Variants in PLAA observed in about 807,000 individuals in gnomAD.
The protein encoded by PLAA is phospholipase A-2-activating protein.
In PLAA, 48 loss-of-function variants were observed where a neutral mutation model predicts 84.1. The observed-to-expected ratio is 0.57, with a 90% CI of 0.45 to 0.73. The LOEUF (loss-of-function observed/expected upper bound fraction) is 0.73. Ranked by LOEUF, PLAA falls within the 30% of genes least tolerant of loss-of-function variation. The pLI is 0.00. For missense variants in PLAA, 903 were observed against 954.7 expected, an observed-to-expected ratio of 0.95 and a Z score of 0.71; for synonymous variants, 392 against 336.6, an observed-to-expected ratio of 1.16 and a Z score of -1.80.
chr9:26,930,518 C>T (rs927910883), intron 2 of PLAA, among the ~76,000 whole-genome samples: 1 of 152,018 alleles, frequency 6.6e-6, no homozygotes, highest in Non-Finnish European at 1.5e-5. Context: ...AACAGAGTCC[C>T]TTTATTAATC....
chr9:26,930,899 G>A (rs1198482117), intron 2 of PLAA, among the ~76,000 whole-genome samples: 1 of 151,886 alleles, frequency 6.6e-6, no homozygotes, highest in East Asian at 1.9e-4. Flanking sequence ...CTTAATAGTT[G>A]TAACTTGGGT....
At chr9:26,919,163 AG>A (rs1394281115) in intron 9 of PLAA, 146 bp downstream of exon 9, 4 of 477,906 alleles carry the variant, frequency 8.4e-6, no homozygotes, top group African/African-American at 7.7e-5. Flanking sequence ...TCATCATTTG[AG>A]GCTTAAACAT....
Position 26,905,361 on chromosome 9 carries a change from A to C in PLAA, c.*150T>G. On this transcript the variant is annotated 3_prime_UTR_variant, in exon 14 of 14. Coordinates refer to ENST00000397292, the MANE Select transcript of PLAA (RefSeq NM_001031689.3). ...CACAGTTCAGCAGTGCAAAAATTTT[A>C]TTTCTGTTTCCCCTCCCCACCACTT... The C allele has an allele frequency of 1.6e-6, 1 of 638,004 alleles. No homozygotes were observed. Among genetic ancestry groups the C allele is most frequent in the Non-Finnish European group, 2.7e-6 (1 of 376,912 alleles). 39.5% of individuals were successfully genotyped at this position (638,004 alleles called of 1,614,324 possible).
chr9:26,934,477 T>C (rs890292993), intron 2 of PLAA, among the ~76,000 whole-genome samples: 3 of 9,114 alleles, frequency 3.3e-4, no homozygotes, highest in Non-Finnish European at 1.4e-3. Flanking sequence ...ACACTTTACT[T>C]TTTTTTTTTT....
At position 26,935,644 on chromosome 9, in the gene PLAA, T is replaced by TA. The variant is rs146759273; in HGVS notation, c.150-439dup. Among the ~76,000 whole-genome samples the TA allele has an allele frequency of 9.2e-3, 1,401 of 152,176 alleles. 16 individuals carry two copies. Among genetic ancestry groups the TA allele is most frequent in the African/African-American group, 0.031 (1,303 of 41,530 alleles). ...TTTTTCACATTATGAAGCATTGACT[T>TA]AGAGCCCAGTAGTATAGTACAGCAT... On this transcript the variant is annotated intron_variant, in intron 1 of 13. Transcript: ENST00000397292.
At chr9:26,928,904 T>C (rs924814624) in intron 2 of PLAA, among the ~76,000 whole-genome samples, 2 of 152,222 alleles carry the variant, frequency 1.3e-5, no homozygotes, top group Non-Finnish European at 2.9e-5. Flanking sequence ...AAATTACAAA[T>C]ATGAAAAATT....
intron 8 of PLAA, among the ~76,000 whole-genome samples, 174 bp from the exon 9 acceptor site, chr9:26,919,703 C>T (rs1330076762): frequency 6.6e-6 from 1 of 152,154 alleles, no homozygotes; most frequent in African/African-American, 2.4e-5. Flanking sequence ...CCCCCATCTG[C>T]ATGTGATGCA....
rs769736091 is a variant in PLAA at position 26,923,195 on chromosome 9, T to C, written c.1022A>G (p.Glu341Gly). Residue 341 changes from glutamate (E) to glycine (G), a missense_variant, in exon 7 of 14, where the codon GAA (glutamate) becomes GGA (glycine). By Grantham distance (98) the Glu-to-Gly change is moderately conservative. Coordinates refer to ENST00000397292, the MANE Select transcript of PLAA (RefSeq NM_001031689.3). The part of the protein sequence containing the change: ...DINAEQLPGR[E>G]HLNEPGTREG... ...ATACTTACCAGGTTCATTAAGATGT[T>C]CCCTCCCAGGAAGCTGCTCAGCATT... 2 of 1,597,656 alleles carry C rather than the reference T, an allele frequency of 1.3e-6. No homozygotes were observed. Among genetic ancestry groups the C allele is most frequent in the Admixed American group, 1.7e-5 (1 of 58,238 alleles).
In PLAA at chr9:26,904,516, T is replaced by G. The variant is rs1824170244; in HGVS notation, c.*995A>C. ...TAACTCCCTCTTGGCTTCACTTTTT[T>G]TTTTCTGTTATATGATTCATCCTAT... On this transcript the variant is annotated 3_prime_UTR_variant, in exon 14 of 14. Transcript: ENST00000397292. 1 of 152,164 alleles carries G rather than the reference T, an allele frequency of 6.6e-6. No individual in the cohort carries two copies. Among genetic ancestry groups the G allele is most frequent in the South Asian group, 2.1e-4 (1 of 4,828 alleles). 9.4% of individuals were successfully genotyped at this position (152,164 alleles called of 1,614,324 possible).
At chr9:26,912,081 C>G (rs1824418033) in intron 11 of PLAA, among the ~76,000 whole-genome samples, 1 of 152,078 alleles carries the variant, frequency 6.6e-6, no homozygotes, top group African/African-American at 2.4e-5. Flanking sequence ...TGGAAAAGTA[C>G]AGGATGCAAT....
intron 7 of PLAA, 74 bp from the exon 8 acceptor site, chr9:26,920,458 T>G (rs766322727): frequency 8.3e-6 from 8 of 961,340 alleles, no homozygotes; most frequent in Non-Finnish European, 1.2e-5. Context: ...TAGAAAATTC[T>G]TAACATTAAA....
chr9:26,925,764 CTCTAGT>C, intron 6 of PLAA, 55 bp downstream of exon 6: 1 of 1,468,592 alleles, frequency 6.8e-7, no homozygotes, highest in South Asian at 1.2e-5. Flanking sequence ...TCTCTGTACA[CTCTAGT>C]TCCTACTGAA....
chr9:26,944,665 G>A (rs1825633968), intron 1 of PLAA, among the ~76,000 whole-genome samples: 1 of 152,168 alleles, frequency 6.6e-6, no homozygotes, highest in South Asian at 2.1e-4. Context: ...CACTCTTACA[G>A]CCACCCATGG....
At chr9:26,943,318 G>A (rs145323648) in intron 1 of PLAA, among the ~76,000 whole-genome samples, 7 of 152,268 alleles carry the variant, frequency 4.6e-5, no homozygotes, top group African/African-American at 1.7e-4. Context: ...CTAGGTACCT[G>A]GTTTAGTCTA....
chr9:26,908,334 T>G (rs1208906395), intron 12 of PLAA, among the ~76,000 whole-genome samples: 11 of 151,018 alleles, frequency 7.3e-5, no homozygotes, highest in Non-Finnish European at 1.3e-4. Context: ...GCCTGGCTAA[T>G]TTTTTGTGTT....
Position 26,917,155 on chromosome 9 carries a change from C to T in PLAA, c.1428G>A (p.Arg476=), listed in dbSNP as rs1178868398. 3 of 1,613,742 alleles carry T rather than the reference C, an allele frequency of 1.9e-6. No homozygotes were observed. In the South Asian group the frequency reaches 3.3e-5, roughly 18 times the overall value. ...SFSDPFTGGG[R]YVPGSSGSSN... is the part of the protein sequence containing the mutation. Reference sequence around the variant, plus strand: ...AAGATCCCGAAGAGCCCGGAACATACCGACCACCACCTGTGCATGCAAAAT... The same window carrying T: ...AAGATCCCGAAGAGCCCGGAACATATCGACCACCACCTGTGCATGCAAAAT... Residue 476 remains arginine, a synonymous_variant, in exon 10 of 14, where the codon CGG becomes CGA. Transcript: ENST00000397292.
rs893247826 is a variant in PLAA at position 26,930,103 on chromosome 9, A to T, written c.344-1695T>A. On this transcript the variant is annotated intron_variant, in intron 2 of 13. Coordinates refer to ENST00000397292, the MANE Select transcript of PLAA (RefSeq NM_001031689.3). ...TAAAAGCCAGTGCCTTATTATTATTATTATTTTTTTTTTTTTTTTGAGACA... is the reference window on the plus strand; with the variant it reads ...TAAAAGCCAGTGCCTTATTATTATTTTTATTTTTTTTTTTTTTTTGAGACA... Among the ~76,000 whole-genome samples, 11 of 147,162 alleles carry T rather than the reference A, an allele frequency of 7.5e-5. No homozygotes were observed. The East Asian group carries it at 2.1e-3, about 28-fold the overall frequency.
At chr9:26,925,798 T>G in intron 6 of PLAA, 27 bp downstream of exon 6, 2 of 1,609,846 alleles carry the variant, frequency 1.2e-6, no homozygotes, top group Non-Finnish European at 1.7e-6. Context: ...ACATATAACA[T>G]TTAATGATTG....
intron 10 of PLAA, chr9:26,916,457 G>C: frequency 2.0e-6 from 2 of 986,924 alleles, no homozygotes; most frequent in Non-Finnish European, 2.4e-6. Context: ...AATTCATTTT[G>C]AAGAGATACA....
Sources: gnomAD v4.1 joint callset for allele counts (sites outside exome capture counted in the v4.1 genomes callset) on GRCh38, gnomAD v4.1.1 for gene constraint, MANE v1.5 for transcripts, NCBI Gene and HGNC (gene_info 2026-07-23, HGNC 2026-07-21) for gene names.